VEZT: variants seen among roughly 807,000 people sequenced by gnomAD.
VEZT encodes the protein vezatin.
In VEZT, 39 loss-of-function variants were observed where a neutral mutation model predicts 79.9. The observed-to-expected ratio is 0.49, with a 90% confidence interval of 0.38 to 0.64. The LOEUF is 0.64. VEZT is among the 30% of genes least tolerant of loss of function. The pLI is 0.00. For synonymous variants in VEZT, 325 were observed against 327.6 expected, an observed-to-expected ratio of 0.99 and a Z score of 0.09; for missense variants, 837 against 893.1, an observed-to-expected ratio of 0.94 and a Z score of 0.80.
intron 3 of VEZT, chr12:95,258,426 C>T (rs2063814528): frequency 3.4e-6 from 1 of 291,954 alleles, no homozygotes; most frequent in Admixed American, 3.7e-5. Flanking sequence ...GTATGCATCC[C>T]TTTTGTGCCT....
intron 1 of VEZT, among the ~76,000 whole-genome samples, chr12:95,228,163 A>T (rs1340885945): frequency 6.6e-6 from 1 of 152,174 alleles, no homozygotes; most frequent in Non-Finnish European, 1.5e-5. Context: ...CAGTATGTTC[A>T]GCTTTCGCCC....
chr12:95,267,911 C>T (rs889625976), intron 5 of VEZT, among the ~76,000 whole-genome samples: 15 of 151,956 alleles, frequency 9.9e-5, no homozygotes, highest in African/African-American at 3.6e-4. Flanking sequence ...GTCCCAGCTA[C>T]TCGGGAGGCT....
chr12:95,222,513 C>T (rs572785006), intron 1 of VEZT, among the ~76,000 whole-genome samples: 141 of 151,756 alleles, frequency 9.3e-4, no homozygotes, highest in African/African-American at 3.2e-3. Flanking sequence ...TTTGTCTATT[C>T]GTGTGTTAAT....
At chr12:95,259,043 A>G (rs1009613473) in intron 3 of VEZT, among the ~76,000 whole-genome samples, 7 of 152,198 alleles carry the variant, frequency 4.6e-5, no homozygotes, top group African/African-American at 1.7e-4. Flanking sequence ...CGTCAGCACT[A>G]AAGAGTCTGC....
chr12:95,285,714 T>C (rs770455858), intron 8 of VEZT, among the ~76,000 whole-genome samples: 13 of 152,174 alleles, frequency 8.5e-5, no homozygotes, highest in Non-Finnish European at 1.8e-4. Flanking sequence ...CTGGGCCTAA[T>C]TCCTTATTAT....
chr12:95,221,670 C>A (rs1404136499), intron 1 of VEZT, among the ~76,000 whole-genome samples: 3 of 150,768 alleles, frequency 2.0e-5, no homozygotes, highest in Non-Finnish European at 3.0e-5. Flanking sequence ...TTAACAAAAC[C>A]CTGCATATTA....
chr12:95,288,416 T>G (rs1270157966), intron 9 of VEZT, among the ~76,000 whole-genome samples: 1 of 152,220 alleles, frequency 6.6e-6, no homozygotes, highest in Non-Finnish European at 1.5e-5. Context: ...GCTGCTTTTA[T>G]GTGACTCCGA....
At chr12:95,235,170 G>A (rs1393344528) in intron 1 of VEZT, among the ~76,000 whole-genome samples, 1 of 152,066 alleles carries the variant, frequency 6.6e-6, no homozygotes, top group African/African-American at 2.4e-5. Flanking sequence ...ACGAGCTGTT[G>A]GGTACACCTC....
chr12:95,266,876 A>C (rs562864047), intron 5 of VEZT, among the ~76,000 whole-genome samples: 1 of 152,264 alleles, frequency 6.6e-6, no homozygotes, highest in African/African-American at 2.4e-5. Context: ...GATCATGATT[A>C]TTTCTGTATG....
In VEZT at chr12:95,282,406, C is replaced by T. The variant is rs1262761345; in HGVS notation, c.1090C>T (p.Leu364Phe). 6.2e-7 allele frequency: 1 copy of T among 1,613,976 alleles called. No individual in the cohort carries two copies. Among genetic ancestry groups the T allele is most frequent in the Admixed American group, 1.7e-5 (1 of 60,004 alleles). ...AGCCAATTCACCTCCTGGGCCCTTA[C>T]TTACTCCAGCACTTCTGCCTCATCG... ...STANSPPGPLLTPALLPHRIL... is the reference protein window; with the variant it reads ...STANSPPGPLFTPALLPHRIL... Residue 364 changes from leucine (L) to phenylalanine (F), a missense_variant, in exon 8 of 12, where the codon CTT becomes TTT. Transcript: ENST00000436874.
intron 8 of VEZT, among the ~76,000 whole-genome samples, chr12:95,284,947 A>T (rs924687287): frequency 6.6e-6 from 1 of 151,982 alleles, no homozygotes; most frequent in Non-Finnish European, 1.5e-5. Flanking sequence ...TTAGCTAGGC[A>T]TGGTGGCAGG....
At chr12:95,271,347 A>G (rs1202440019) in intron 6 of VEZT, among the ~76,000 whole-genome samples, 1 of 152,228 alleles carries the variant, frequency 6.6e-6, no homozygotes, top group Non-Finnish European at 1.5e-5. Flanking sequence ...AAAAATATGT[A>G]CTACCTACTT....
intron 5 of VEZT, among the ~76,000 whole-genome samples, chr12:95,269,582 A>G (rs971410894): frequency 6.6e-6 from 1 of 152,224 alleles, no homozygotes; most frequent in Admixed American, 6.5e-5. Context: ...TGATGAACGT[A>G]TGTAAATGTA....
At chr12:95,266,213 T>C (rs1233723630) in intron 4 of VEZT, 144 bp from the exon 5 acceptor site, 1 of 930,836 alleles carries the variant, frequency 1.1e-6, no homozygotes, top group East Asian at 2.5e-5. Context: ...AAATGTCATA[T>C]ATTTTTAAGT....
intron 2 of VEZT, among the ~76,000 whole-genome samples, chr12:95,252,879 C>T (rs572484272): frequency 1.2e-4 from 18 of 152,254 alleles, no homozygotes; most frequent in Admixed American, 7.8e-4. Context: ...GCAGGAGAAT[C>T]GCTTGAACCT....
chr12:95,231,867 A>G (rs1184076452), intron 1 of VEZT, among the ~76,000 whole-genome samples: 1 of 152,224 alleles, frequency 6.6e-6, no homozygotes, highest in Non-Finnish European at 1.5e-5. Context: ...TACATTGGCA[A>G]TACAATTATG....
At chr12:95,297,570 T>G (rs905103072) in intron 11 of VEZT, among the ~76,000 whole-genome samples, 2 of 152,208 alleles carry the variant, frequency 1.3e-5, no homozygotes, top group Admixed American at 1.3e-4. Context: ...AGTACTTTTT[T>G]CTTCTAAGCT....
chr12:95,267,251 A>G (rs1030451359), intron 5 of VEZT, among the ~76,000 whole-genome samples: 1 of 152,196 alleles, frequency 6.6e-6, no homozygotes, highest in Non-Finnish European at 1.5e-5. Flanking sequence ...ACTATATTCC[A>G]TATACTATGC....
chr12:95,221,395 C>A (rs986484570), intron 1 of VEZT, among the ~76,000 whole-genome samples: 3 of 152,106 alleles, frequency 2.0e-5, no homozygotes, highest in African/African-American at 7.2e-5. Flanking sequence ...GAAACCCAGT[C>A]TCTACTAAAA....
Sources: gnomAD v4.1 joint callset for allele counts (sites outside exome capture counted in the v4.1 genomes callset) on GRCh38, gnomAD v4.1.1 for gene constraint, MANE v1.5 for transcripts, NCBI Gene and HGNC (gene_info 2026-07-23, HGNC 2026-07-21) for gene names.